RNPEPL1: variants seen among roughly 807,000 people sequenced by gnomAD.
The protein encoded by RNPEPL1 is aminopeptidase RNPEPL1.
Under a neutral mutation model 69.0 loss-of-function variants are expected in RNPEPL1, and 46 were observed. The observed-to-expected ratio is 0.67, with a 90% confidence interval of 0.53 to 0.85. RNPEPL1 has a LOEUF of 0.85. Ranked by LOEUF, RNPEPL1 falls within the 40% of genes least tolerant of loss-of-function variation. The pLI is 0.00. For synonymous variants in RNPEPL1, 525 were observed against 454.1 expected (o/e 1.16, Z -1.98); for missense variants, 869 against 992.5 (o/e 0.88, Z 1.67).
At chr2:240,573,962 C>A in intron 4 of RNPEPL1, 71 bp downstream of exon 4, 1 of 1,426,922 alleles carries the variant, frequency 7.0e-7, no homozygotes, top group Non-Finnish European at 9.6e-7. Context: ...TCGTCTGACC[C>A]CTGGGGTGTC....
In RNPEPL1 at chr2:240,580,549, A is replaced by C. The variant is rs2093050024; in HGVS notation, c.*2657A>C. Reference sequence around the variant, plus strand: ...AGGGGGGATTCTCTTCAATGTGACCACTCTCGGACCCGTACCGATGAACAG... The same window carrying C: ...AGGGGGGATTCTCTTCAATGTGACCCCTCTCGGACCCGTACCGATGAACAG... On this transcript the variant is annotated 3_prime_UTR_variant, in exon 11 of 11. Transcript: ENST00000270357. The C allele has an allele frequency of 6.6e-6, 1 of 151,922 alleles. No individual in the cohort carries two copies. Among genetic ancestry groups the C allele is most frequent in the South Asian group, 2.1e-4 (1 of 4,810 alleles). 9.4% of individuals were successfully genotyped at this position (151,922 alleles called of 1,614,324 possible). A position where few individuals can be genotyped will look rare whatever the true frequency, so the allele number is the denominator to read the frequency against.
intron 2 of RNPEPL1, 59 bp downstream of exon 2, chr2:240,572,622 G>A (rs979311704): frequency 1.3e-5 from 20 of 1,527,432 alleles, no homozygotes; most frequent in East Asian, 2.4e-5. Context: ...GCCTGGCCAC[G>A]CCGCCTCCCC....
rs1165155531 is a variant in RNPEPL1 at position 240,577,593 on chromosome 2, C to T, written c.1885-6C>T. The T allele has an allele frequency of 1.3e-6, 2 of 1,555,368 alleles. No homozygotes were observed. The highest frequency in any genetic ancestry group is 1.8e-6 in the Non-Finnish European group (2 of 1,142,108). ...CCACCAGTGTGACCGAGTGCCCCTC[C>T]TGCAGATGTCACGCATGTACACCAT... On this transcript the variant is annotated splice_region_variant and splice_polypyrimidine_tract_variant and intron_variant, in intron 10 of 10. Transcript: ENST00000270357.
chr2:240,571,008 G>A (rs1227601246), intron 1 of RNPEPL1, among the ~76,000 whole-genome samples: 1 of 152,136 alleles, frequency 6.6e-6, no homozygotes, highest in Non-Finnish European at 1.5e-5. Context: ...CCACAGGAGA[G>A]GAGTAGTTGT....
At chr2:240,569,786 G>A (rs2093015956) in intron 1 of RNPEPL1, among the ~76,000 whole-genome samples, 2 of 152,216 alleles carry the variant, frequency 1.3e-5, no homozygotes, top group Non-Finnish European at 1.5e-5. Context: ...TCCCTAGGTG[G>A]TATGGACGGC....
chr2:240,572,680 A>G, intron 2 of RNPEPL1, 117 bp downstream of exon 2: 1 of 1,299,172 alleles, frequency 7.7e-7, no homozygotes, highest in Non-Finnish European at 1.0e-6. Flanking sequence ...AGCAGGCCAC[A>G]GTGCTAGCAG....
intron 3 of RNPEPL1, 25 bp from the exon 4 acceptor site, chr2:240,573,747 CTCA>C: frequency 6.7e-7 from 1 of 1,500,286 alleles, no homozygotes. Flanking sequence ...GCTGCTCGGC[CTCA>C]GCTCACCCTC....
In RNPEPL1 at chr2:240,572,682, T is replaced by G. The variant is rs565536415; in HGVS notation, c.669+119T>G. 1.5e-5 allele frequency: 19 copies of G among 1,287,494 alleles called. No homozygotes were observed. In the African/African-American group the frequency reaches 2.5e-4, roughly 17 times the overall value. 79.8% of individuals were successfully genotyped at this position (1,287,494 alleles called of 1,614,324 possible). ...GGCCCCAGCTGCCAGCAGGCCACAGTGCTAGCAGGAGCCCACCCTCCCTAC... is the reference window on the plus strand; with the variant it reads ...GGCCCCAGCTGCCAGCAGGCCACAGGGCTAGCAGGAGCCCACCCTCCCTAC... On this transcript the variant is annotated intron_variant, in intron 2 of 10. Coordinates refer to ENST00000270357, the MANE Select transcript of RNPEPL1 (RefSeq NM_018226.6).
At chr2:240,576,116 A>G (rs909754678) in intron 8 of RNPEPL1, 3 of 270,846 alleles carry the variant, frequency 1.1e-5, no homozygotes, top group African/African-American at 6.6e-5. Flanking sequence ...CAGCAAGTGC[A>G]TCAAGAGCTT....
chr2:240,575,248 G>C (rs532703999), intron 7 of RNPEPL1, 106 bp downstream of exon 7: 1 of 944,450 alleles, frequency 1.1e-6, no homozygotes, highest in Non-Finnish European at 1.7e-6. Flanking sequence ...AACTGGCAGG[G>C]GCCTGTGAGC....
intron 2 of RNPEPL1, 37 bp downstream of exon 2, chr2:240,572,600 G>C (rs778409038): frequency 2.3e-5 from 35 of 1,534,864 alleles, no homozygotes; most frequent in Non-Finnish European, 3.0e-5. Context: ...TTGCTCCCAG[G>C]ACAGCCCAGT....
intron 1 of RNPEPL1, among the ~76,000 whole-genome samples, chr2:240,571,004 G>A (rs2093019626): frequency 6.6e-6 from 1 of 152,188 alleles, no homozygotes; most frequent in Admixed American, 6.5e-5. Context: ...AAGGCCACAG[G>A]AGAGGAGTAG....
At chr2:240,576,221 G>A in intron 8 of RNPEPL1, 1 of 450,090 alleles carries the variant, frequency 2.2e-6, no homozygotes, top group Non-Finnish European at 4.0e-6. Flanking sequence ...TCATGGCGCA[G>A]GTGGCCTCCA....
At position 240,579,076 on chromosome 2, in the gene RNPEPL1, T is replaced by A. The variant is rs541981084; in HGVS notation, c.*1184T>A. 2 of 152,394 alleles carry A rather than the reference T, an allele frequency of 1.3e-5. No homozygotes were observed. Among genetic ancestry groups the A allele is most frequent in the East Asian group, 3.9e-4 (2 of 5,188 alleles). 9.4% of individuals were successfully genotyped at this position (152,394 alleles called of 1,614,324 possible). On this transcript the variant is annotated 3_prime_UTR_variant, in exon 11 of 11. Coordinates refer to ENST00000270357, the MANE Select transcript of RNPEPL1 (RefSeq NM_018226.6). ...TTTTGGAGAACTGAGATTTCCATTT[T>A]CCCAGGCGATAGGTGTCGCTGCCCT...
intron 8 of RNPEPL1, 28 bp from the exon 9 acceptor site, chr2:240,576,507 G>A: frequency 1.9e-6 from 3 of 1,582,122 alleles, no homozygotes; most frequent in Non-Finnish European, 1.7e-6. Context: ...GCCTGGGCAG[G>A]GACCCCAGGG....
Position 240,569,008 on chromosome 2 carries a change from C to T in RNPEPL1, c.422C>T (p.Pro141Leu), listed in dbSNP as rs868240323. Residue 141 changes from proline to leucine, a missense_variant, in exon 1 of 11, where the codon CCG (proline) becomes CTG (leucine). Around this residue, in one of 2 missense-constraint regions of RNPEPL1, gnomAD observed 259 missense variants for 201.5 expected, o/e 1.29. Transcript: ENST00000270357. ...ACCPLAFRVD[P>L]FTDYGSSLTV... Reference sequence around the variant, plus strand: ...TGTCCGCTGGCCTTCAGGGTGGACCCGTTCACCGACTACGGCTCCTCGCTC... The same window carrying T: ...TGTCCGCTGGCCTTCAGGGTGGACCTGTTCACCGACTACGGCTCCTCGCTC... 1 of 1,507,728 alleles carries T rather than the reference C, an allele frequency of 6.6e-7. No homozygotes were observed. The highest frequency in any genetic ancestry group is 8.8e-7 in the Non-Finnish European group (1 of 1,135,868). 93.4% of individuals were successfully genotyped at this position (1,507,728 alleles called of 1,614,324 possible).
chr2:240,575,825 T>G, intron 8 of RNPEPL1: 1 of 576,316 alleles, frequency 1.7e-6, no homozygotes, highest in Non-Finnish European at 3.1e-6. Flanking sequence ...TGGCACAGGC[T>G]AAGCAGGCCG....
chr2:240,579,461 A>T lies in RNPEPL1; in HGVS notation c.*1569A>T, dbSNP rs2093047366. ...GTGTTGCTTCATGTACCTTCTTCACATCAGGTCTGGGGGAGGCGCCACCCC... is the reference window on the plus strand; with the variant it reads ...GTGTTGCTTCATGTACCTTCTTCACTTCAGGTCTGGGGGAGGCGCCACCCC... On this transcript the variant is annotated 3_prime_UTR_variant, in exon 11 of 11. Coordinates refer to ENST00000270357, the MANE Select transcript of RNPEPL1 (RefSeq NM_018226.6). 6.6e-6 allele frequency: 1 copy of T among 151,760 alleles called. No homozygotes were observed. Among genetic ancestry groups the T allele is most frequent in the South Asian group, 2.1e-4 (1 of 4,812 alleles). 9.4% of individuals were successfully genotyped at this position (151,760 alleles called of 1,614,324 possible).
intron 2 of RNPEPL1, 23 bp downstream of exon 2, chr2:240,572,586 C>A: frequency 6.5e-7 from 1 of 1,535,682 alleles, no homozygotes; most frequent in South Asian, 1.2e-5. Context: ...CAGCTGCCGT[C>A]ACCTTGCTCC....
Sources: allele counts gnomAD v4.1 joint callset (sites outside exome capture counted in the v4.1 genomes callset), GRCh38; gene constraint gnomAD v4.1.1; regional missense constraint gnomAD v4.1.1; transcripts MANE v1.5; gene names NCBI Gene and HGNC (gene_info 2026-07-23, HGNC 2026-07-21).